CEP85L: variants seen among roughly 807,000 people sequenced by gnomAD.
The protein encoded by CEP85L is centrosomal protein 85L.
A neutral mutation model predicts 100.3 loss-of-function variants in CEP85L; 60 were observed. The observed-to-expected ratio is 0.60, with a 90% CI of 0.49 to 0.74. CEP85L has a LOEUF of 0.74. Ranked by LOEUF, CEP85L falls within the 30% of genes least tolerant of loss-of-function variation. The pLI is 0.00. For synonymous variants in CEP85L, 319 were observed against 322.7 expected, an observed-to-expected ratio of 0.99 and a Z score of 0.12; for missense variants, 973 against 936.2, an observed-to-expected ratio of 1.04 and a Z score of -0.51.
chr6:118,598,803 G>C (rs540620692), intron 2 of CEP85L, among the ~76,000 whole-genome samples: 2 of 152,248 alleles, frequency 1.3e-5, no homozygotes, highest in Admixed American at 6.5e-5. Context: ...CTAATACAGG[G>C]GAGTAGAGGT....
intron 1 of CEP85L, among the ~76,000 whole-genome samples, chr6:118,693,643 G>C (rs794860): frequency 0.072 from 10,980 of 152,146 alleles, 659 homozygotes; most frequent in African/African-American, 0.15. Context: ...CAGCAAACAG[G>C]CCCAGAGGTT....
At chr6:118,501,959 T>A in intron 5 of CEP85L, 1 of 889,356 alleles carries the variant, frequency 1.1e-6, no homozygotes, top group Non-Finnish European at 1.8e-6. Context: ...CTTGACTGCA[T>A]CATGAAGGAA....
intron 1 of CEP85L, among the ~76,000 whole-genome samples, chr6:118,635,688 G>C (rs1774449220): frequency 6.6e-6 from 1 of 152,120 alleles, no homozygotes; most frequent in Admixed American, 6.5e-5. Context: ...TAAAACCCTT[G>C]CTTTTAGGCA....
chr6:118,513,832 C>T (rs1045958486), intron 4 of CEP85L, among the ~76,000 whole-genome samples: 5 of 151,780 alleles, frequency 3.3e-5, no homozygotes, highest in African/African-American at 9.7e-5. Flanking sequence ...AAGAAGAATA[C>T]CAGAAATGAT....
Position 118,636,441 on chromosome 6 carries a change from T to C in CEP85L, c.74-3830A>G, listed in dbSNP as rs1298085251. Among the ~76,000 whole-genome samples the C allele has an allele frequency of 2.6e-5, 4 of 152,230 alleles. No homozygotes were observed. In the East Asian group the frequency reaches 7.7e-4, roughly 29 times the overall value. On this transcript the variant is annotated intron_variant, in intron 1 of 12. Transcript: ENST00000368491. Reference sequence around the variant, plus strand: ...CTTTTTCCAGAATAAATGATCTCAGTTTATCCATATGGTATGGAACTCCTG... The same window carrying C: ...CTTTTTCCAGAATAAATGATCTCAGCTTATCCATATGGTATGGAACTCCTG...
chr6:118,485,672 G>T (rs932054967), intron 6 of CEP85L, among the ~76,000 whole-genome samples: 1 of 152,124 alleles, frequency 6.6e-6, no homozygotes, highest in Non-Finnish European at 1.5e-5. Flanking sequence ...GACTTAACAA[G>T]TCACAAAATC....
chr6:118,478,551 C>CA (rs563836351), intron 10 of CEP85L, among the ~76,000 whole-genome samples: 1 of 151,764 alleles, frequency 6.6e-6, no homozygotes, highest in Admixed American at 6.6e-5. Flanking sequence ...AAAAGAAAAC[C>CA]AAAAAAGATA....
intron 1 of CEP85L, among the ~76,000 whole-genome samples, chr6:118,706,890 TTTCCC>T (rs1777609028): frequency 6.6e-6 from 1 of 152,198 alleles, no homozygotes; most frequent in Admixed American, 6.5e-5. Flanking sequence ...CCTGGAATTC[TTTCCC>T]TATTAGTGTC....
intron 6 of CEP85L, among the ~76,000 whole-genome samples, chr6:118,486,677 C>T (rs1338947566): frequency 6.6e-6 from 1 of 152,136 alleles, no homozygotes; most frequent in Admixed American, 6.6e-5. Flanking sequence ...CTGCCCTCTA[C>T]ATCTATCCCC....
At chr6:118,655,823 C>T (rs962190571), upstream of CEP85L, among the ~76,000 whole-genome samples, 2 of 152,164 alleles carry the variant, frequency 1.3e-5, no homozygotes, top group Non-Finnish European at 2.9e-5. Context: ...TGAGACTTCT[C>T]ACTAAACCAG....
At chr6:118,584,981 T>C (rs1780775716) in intron 2 of CEP85L, among the ~76,000 whole-genome samples, 1 of 152,178 alleles carries the variant, frequency 6.6e-6, no homozygotes, top group Non-Finnish European at 1.5e-5. Context: ...CAAATCATAG[T>C]ACAGACCTAT....
intron 3 of CEP85L, chr6:118,558,688 G>T: frequency 2.0e-6 from 1 of 491,366 alleles, no homozygotes; most frequent in Non-Finnish European, 3.7e-6. Flanking sequence ...GAGAGAGAGA[G>T]GGAGAGAGAC....
chr6:118,602,073 C>T (rs1308542495), intron 2 of CEP85L, among the ~76,000 whole-genome samples: 1 of 152,070 alleles, frequency 6.6e-6, no homozygotes, highest in Non-Finnish European at 1.5e-5. Flanking sequence ...TATAAGAGAA[C>T]CCTTAATCCT....
At chr6:118,702,200 C>T (rs762984549) in intron 1 of CEP85L, among the ~76,000 whole-genome samples, 6 of 151,500 alleles carry the variant, frequency 4.0e-5, no homozygotes, top group Non-Finnish European at 7.4e-5. Flanking sequence ...AAATGACTAC[C>T]TGTTATTTAC....
intron 1 of CEP85L, among the ~76,000 whole-genome samples, chr6:118,692,654 A>G (rs1367273482): frequency 6.6e-6 from 1 of 152,224 alleles, no homozygotes; most frequent in East Asian, 1.9e-4. Flanking sequence ...AAATAAGAAA[A>G]GCAACAATGC....
chr6:118,646,082 T>G (rs1232959710), intron 1 of CEP85L, among the ~76,000 whole-genome samples: 1 of 150,760 alleles, frequency 6.6e-6, no homozygotes, highest in African/African-American at 2.4e-5. Flanking sequence ...CCAGGCATGG[T>G]GGCACACGCC....
At chr6:118,647,104 T>G (rs1775250171) in intron 1 of CEP85L, 1 of 981,114 alleles carries the variant, frequency 1.0e-6, no homozygotes, top group Non-Finnish European at 1.2e-6. Flanking sequence ...TACCACAGTA[T>G]TCCTAGAAGT....
At chr6:118,591,501 A>G (rs996599962) in intron 2 of CEP85L, among the ~76,000 whole-genome samples, 1 of 152,160 alleles carries the variant, frequency 6.6e-6, no homozygotes, top group Non-Finnish European at 1.5e-5. Context: ...TTCCACAACC[A>G]ATCAGACGTC....
intron 2 of CEP85L, among the ~76,000 whole-genome samples, chr6:118,622,067 G>T (rs77424676): frequency 0.044 from 6,744 of 152,302 alleles, 230 homozygotes; most frequent in South Asian, 0.11. Context: ...CCGTGGGATA[G>T]CCCTACAACC....
Sources: allele counts gnomAD v4.1 joint callset (sites outside exome capture counted in the v4.1 genomes callset), GRCh38; gene constraint gnomAD v4.1.1; transcripts MANE v1.5; gene names NCBI Gene and HGNC (gene_info 2026-07-23, HGNC 2026-07-21).